FGF13: variants seen among roughly 807,000 people sequenced by gnomAD.
FGF13 encodes the protein fibroblast growth factor homologous factor 2.
Under a neutral mutation model 19.5 loss-of-function variants are expected in FGF13, and 2 were observed. The observed-to-expected ratio is 0.10, with a 90% CI of 0.04 to 0.32. The LOEUF (loss-of-function observed/expected upper bound fraction) is 0.32. Among genes scored for constraint, FGF13 ranks in the 10% least tolerant of loss-of-function variants. FGF13 has a pLI of 1.00. For synonymous variants in FGF13, 72 were observed against 76.9 expected (o/e 0.94, Z 0.33); for missense variants, 113 against 192.7 (o/e 0.59, Z 2.45).
Position 138,635,566 on chromosome X carries a change from C to T in FGF13, c.492G>A (p.Gln164=). 1 of 1,208,986 alleles carries T rather than the reference C, an allele frequency of 8.3e-7. No individual in the cohort carries two copies. Among genetic ancestry groups the T allele is most frequent in the Non-Finnish European group, 1.1e-6 (1 of 893,159 alleles). The part of the protein sequence containing the change: ...TYSSMIYRQQ[Q]SGRGWYLGLN... ...GACCCAGATACCACCCTCGGCCTGA[C>T]TGCTGCTGACGGTATATCATTGATG... Residue 164 remains glutamine (Q), a synonymous_variant, in exon 4 of 5, where the codon CAG becomes CAA. Coordinates refer to ENST00000315930, the MANE Select transcript of FGF13 (RefSeq NM_004114.5).
chrX:138,957,529 T>C (rs746936820), intron 1 of FGF13, among the ~76,000 whole-genome samples: 50 of 111,373 alleles, frequency 4.5e-4, no homozygotes, highest in Middle Eastern at 4.7e-3. Context: ...CCATACGAAC[T>C]TTAGTTTTTT....
At chrX:138,798,880 C>A (rs1018976052) in intron 3 of FGF13, among the ~76,000 whole-genome samples, 1 of 110,332 alleles carries the variant, frequency 9.1e-6, no homozygotes, top group African/African-American at 3.3e-5. Flanking sequence ...TCTCTGATGG[C>A]AGTTTGTATT....
chrX:139,116,016 C>T (rs1356948431), intron 1 of FGF13, among the ~76,000 whole-genome samples: 1 of 112,287 alleles, frequency 8.9e-6, no homozygotes, highest in Non-Finnish European at 1.9e-5. Flanking sequence ...ATACATAGAT[C>T]TCCAGGATCA....
intron 1 of FGF13, among the ~76,000 whole-genome samples, chrX:139,062,295 C>T (rs1164684928): frequency 9.0e-6 from 1 of 111,299 alleles, no homozygotes; most frequent in African/African-American, 3.3e-5. Flanking sequence ...CCCAGTTTTC[C>T]CAACAACATT....
chrX:139,181,007 A>C (rs963783400), intron 1 of FGF13, among the ~76,000 whole-genome samples: 2 of 112,283 alleles, frequency 1.8e-5, no homozygotes, highest in Non-Finnish European at 3.8e-5. Flanking sequence ...TCTTAACGGC[A>C]TTTGGACAGA....
Position 138,981,980 on chromosome X carries a change from G to A in FGF13, c.-112-117330C>T, listed in dbSNP as rs142808261. Among the ~76,000 whole-genome samples, 1,030 of 111,348 alleles carry A rather than the reference G, an allele frequency of 9.3e-3. 13 individuals are homozygous for A. Among genetic ancestry groups the A allele is most frequent in the African/African-American group, 0.031 (957 of 30,597 alleles). On this transcript the variant is annotated intron_variant, in intron 1 of 2. Coordinates refer to the FGF13 transcript ENST00000421460. ...AAGGCTTGGAAGAAGAGTCAGAAAG[G>A]GTGTGTTAAATACTATTGCTGTGTG...
chrX:138,939,055 T>C (rs1477766044), intron 1 of FGF13, among the ~76,000 whole-genome samples: 1 of 112,247 alleles, frequency 8.9e-6, no homozygotes, highest in Non-Finnish European at 1.9e-5. Flanking sequence ...GTAATGTTAA[T>C]TTTACTTTGC....
At chrX:138,951,477 AG>A (rs746049323) in intron 1 of FGF13, among the ~76,000 whole-genome samples, 1 of 112,049 alleles carries the variant, frequency 8.9e-6, no homozygotes, top group South Asian at 3.7e-4. Flanking sequence ...AGCCACAGTC[AG>A]GAAAAAATAT....
chrX:139,033,509 T>C (rs888188409), intron 1 of FGF13, among the ~76,000 whole-genome samples: 4 of 111,917 alleles, frequency 3.6e-5, no homozygotes, highest in African/African-American at 1.3e-4. Context: ...GAGTGATGTA[T>C]TGGCCTGTCC....
intron 3 of FGF13, among the ~76,000 whole-genome samples, chrX:138,830,930 A>G (rs2091068615): frequency 9.0e-6 from 1 of 110,561 alleles, no homozygotes; most frequent in Non-Finnish European, 1.9e-5. Flanking sequence ...AAAGTCCAAG[A>G]GCACCAGTGG....
At chrX:139,070,966 A>C (rs1415415106) in intron 1 of FGF13, among the ~76,000 whole-genome samples, 1 of 110,393 alleles carries the variant, frequency 9.1e-6, no homozygotes, top group Admixed American at 9.7e-5. Context: ...GGAGGGGAAC[A>C]TCACACACTG....
intron 1 of FGF13, among the ~76,000 whole-genome samples, chrX:139,046,876 G>T (rs769199790): frequency 4.5e-5 from 5 of 111,815 alleles, no homozygotes; most frequent in Non-Finnish European, 9.4e-5. Context: ...AGAAGAGCCT[G>T]CATGGCCCCC....
intron 3 of FGF13, among the ~76,000 whole-genome samples, chrX:138,843,227 C>G (rs1005906884): frequency 1.1e-4 from 12 of 112,008 alleles, no homozygotes; most frequent in Admixed American, 7.6e-4. Flanking sequence ...TTAAATGTAA[C>G]CTTCTTCCAT....
chrX:139,180,545 A>C (rs1290940664), intron 1 of FGF13, among the ~76,000 whole-genome samples: 1 of 112,020 alleles, frequency 8.9e-6, no homozygotes, highest in Admixed American at 9.5e-5. Context: ...ATGAAAAAAA[A>C]CCCTCATTCT....
intron 1 of FGF13, among the ~76,000 whole-genome samples, chrX:139,098,165 T>C (rs1004086410): frequency 9.0e-6 from 1 of 111,488 alleles, no homozygotes; most frequent in Non-Finnish European, 1.9e-5. Context: ...ACAGCGAGCA[T>C]GGGCCAGGTT....
rs1160801193 is a variant in FGF13 at position 138,697,582 on chromosome X, T to C, written c.402+5402A>G. On this transcript the variant is annotated intron_variant, in intron 3 of 4. Transcript: ENST00000315930. Reference sequence around the variant, plus strand: ...TTGTCAAAGGATTTCTACTTGTCTATACGTTTTGTCTGCCCCAACTTCAAC... The same window carrying C: ...TTGTCAAAGGATTTCTACTTGTCTACACGTTTTGTCTGCCCCAACTTCAAC... Among the ~76,000 whole-genome samples the C allele has an allele frequency of 2.7e-5, 3 of 110,905 alleles. No individual in the cohort carries two copies. In the East Asian group the frequency reaches 8.5e-4, roughly 31 times the overall value.
chrX:139,186,325 G>A (rs1569462452), intron 1 of FGF13, among the ~76,000 whole-genome samples: 2 of 111,556 alleles, frequency 1.8e-5, no homozygotes, highest in Non-Finnish European at 3.8e-5. Flanking sequence ...CCTGTCTCCC[G>A]CTTAAGTAAA....
intron 1 of FGF13, among the ~76,000 whole-genome samples, chrX:139,089,983 C>T (rs5976269): frequency 0.017 from 1,946 of 111,720 alleles, 43 homozygotes; most frequent in African/African-American, 0.059. Flanking sequence ...AGACTACAGG[C>T]GTAAGCCGCT....
At chrX:139,030,354 C>G (rs1443807594) in intron 1 of FGF13, among the ~76,000 whole-genome samples, 1 of 111,362 alleles carries the variant, frequency 9.0e-6, no homozygotes, top group Non-Finnish European at 1.9e-5. Flanking sequence ...GGACCTCTAA[C>G]AATCCTACCA....
Sources: gnomAD v4.1 joint callset for allele counts (sites outside exome capture counted in the v4.1 genomes callset) on GRCh38, gnomAD v4.1.1 for gene constraint, MANE v1.5 for transcripts, NCBI Gene and HGNC (gene_info 2026-07-23, HGNC 2026-07-21) for gene names.